Variants in EPHA5 observed in about 807,000 individuals in gnomAD.
EPHA5 encodes EPH receptor A5, also known as ephrin type-A receptor 5.
A neutral mutation model predicts 105.0 loss-of-function variants in EPHA5; 60 were observed. The observed-to-expected ratio is 0.57, with a 90% CI of 0.46 to 0.71. The LOEUF is 0.71. Ranked by LOEUF, EPHA5 falls within the 30% of genes least tolerant of loss-of-function variation. EPHA5 has a pLI of 0.00. For synonymous variants in EPHA5, 513 were observed against 449.1 expected (o/e 1.14, Z -1.80); for missense variants, 1,218 against 1,274.7 (o/e 0.96, Z 0.68).
At chr4:65,496,373 TC>T (rs1338874642) in intron 3 of EPHA5, among the ~76,000 whole-genome samples, 3 of 99,164 alleles carry the variant, frequency 3.0e-5, no homozygotes, top group African/African-American at 1.2e-4. Context: ...ATGCTATCCC[TC>T]CCCCCTCCCC....
chr4:65,551,539 T>G (rs1443054031), intron 3 of EPHA5, among the ~76,000 whole-genome samples: 1 of 152,114 alleles, frequency 6.6e-6, no homozygotes, highest in East Asian at 1.9e-4. Flanking sequence ...TGGAAGTCTA[T>G]TTATAGTGAA....
intron 3 of EPHA5, among the ~76,000 whole-genome samples, chr4:65,595,488 C>T (rs1257104423): frequency 6.6e-6 from 1 of 151,962 alleles, no homozygotes; most frequent in Non-Finnish European, 1.5e-5. Flanking sequence ...AATTAAATTG[C>T]TCAGGAATAT....
intron 3 of EPHA5, among the ~76,000 whole-genome samples, chr4:65,521,119 C>A (rs942088483): frequency 6.6e-6 from 1 of 152,050 alleles, no homozygotes; most frequent in African/African-American, 2.4e-5. Flanking sequence ...AGACTGGGAA[C>A]CAACCCAAAT....
chr4:65,576,338 A>C (rs551029594), intron 3 of EPHA5, among the ~76,000 whole-genome samples: 1 of 152,168 alleles, frequency 6.6e-6, no homozygotes, highest in Non-Finnish European at 1.5e-5. Context: ...CAAGTTATGC[A>C]GTAGGTGGAA....
Position 65,606,540 on chromosome 4 carries a change from A to T in EPHA5, c.247-4236T>A, listed in dbSNP as rs147740185. 2.0e-5 allele frequency among the ~76,000 whole-genome samples: 3 copies of T among 152,302 alleles called. No homozygotes were observed. The East Asian group carries it at 5.8e-4, about 29-fold the overall frequency. ...TAATTCTTAATTAAAAACACTAAGT[A>T]TTTATTAAAAGAGATTGTCTTATTT... On this transcript the variant is annotated intron_variant, in intron 2 of 16. Transcript: ENST00000613740.
chr4:65,602,393 T>A lies in EPHA5; in HGVS notation c.247-89A>T, dbSNP rs1018594922. Reference sequence around the variant, plus strand: ...GCAAAAATTATAAAAGAAAACTAACTGAGATATAGAAATATTCGTATCCTC... The same window carrying A: ...GCAAAAATTATAAAAGAAAACTAACAGAGATATAGAAATATTCGTATCCTC... On this transcript the variant is annotated intron_variant, in intron 2 of 16. Coordinates refer to ENST00000613740, the MANE Select transcript of EPHA5 (RefSeq NM_001281766.3). The A allele has an allele frequency of 6.8e-6, 7 of 1,032,656 alleles. No homozygotes were observed. The Admixed American group carries it at 7.9e-5, about 12-fold the overall frequency. 64.0% of individuals were successfully genotyped at this position (1,032,656 alleles called of 1,614,324 possible). A position where few individuals can be genotyped will look rare whatever the true frequency, so the allele number is the denominator to read the frequency against.
chr4:65,591,626 C>G (rs1742672315), intron 3 of EPHA5, among the ~76,000 whole-genome samples: 1 of 151,472 alleles, frequency 6.6e-6, no homozygotes, highest in Non-Finnish European at 1.5e-5. Context: ...AAAAAAGCTT[C>G]AGAGATTGTG....
intron 3 of EPHA5, among the ~76,000 whole-genome samples, chr4:65,520,141 C>T (rs998406782): frequency 8.5e-5 from 13 of 152,232 alleles, no homozygotes; most frequent in Middle Eastern, 3.4e-3. Flanking sequence ...TACAAGGCTA[C>T]AGTAACCAAA....
At chr4:65,428,546 A>C (rs1470641017) in intron 5 of EPHA5, among the ~76,000 whole-genome samples, 1 of 152,136 alleles carries the variant, frequency 6.6e-6, no homozygotes, top group African/African-American at 2.4e-5. Context: ...ATCTTTTGAT[A>C]TATGACCTCA....
intron 3 of EPHA5, among the ~76,000 whole-genome samples, chr4:65,516,083 T>C (rs994395854): frequency 6.6e-6 from 1 of 152,048 alleles, no homozygotes; most frequent in African/African-American, 2.4e-5. Flanking sequence ...GATATTTCCA[T>C]TATATAACAC....
intron 5 of EPHA5, among the ~76,000 whole-genome samples, chr4:65,447,746 C>T (rs1021709189): frequency 2.0e-5 from 3 of 151,408 alleles, no homozygotes; most frequent in Non-Finnish European, 4.4e-5. Flanking sequence ...AAACTAAAAA[C>T]AATTGGGAAT....
chr4:65,336,994 T>C (rs1020526), intron 14 of EPHA5, among the ~76,000 whole-genome samples: 73,812 of 151,870 alleles, frequency 0.49, 18,313 homozygotes, highest in Non-Finnish European at 0.53. Flanking sequence ...GTCTTAATTA[T>C]ACTTTTTCAC....
rs187653947 is a variant in EPHA5 at position 65,544,863 on chromosome 4, G to C, written c.911-49320C>G. On this transcript the variant is annotated intron_variant, in intron 3 of 16. Transcript: ENST00000613740. ...TCATAGACTGGATAAAGAAAATGTG[G>C]TACATATACACCATGGAATACTATG... is the stretch of plus-strand genomic sequence containing the variant. Among the ~76,000 whole-genome samples, 10 of 151,716 alleles carry C rather than the reference G, an allele frequency of 6.6e-5. No homozygotes were observed. The East Asian group carries it at 1.9e-3, about 29-fold the overall frequency.
rs1560457940 is a variant in EPHA5, at chr4:65,365,659, A to ATCTATC, written c.1987+272_1987+273insGATAGA. ...GGTATTACAAATTCACTATATATAT[A>ATCTATC]TATATATATATATATATATATATAT... On this transcript the variant is annotated intron_variant, in intron 10 of 16. Coordinates refer to ENST00000613740, the MANE Select transcript of EPHA5 (RefSeq NM_001281766.3). Among the ~76,000 whole-genome samples the ATCTATC allele has an allele frequency of 4.9e-5, 4 of 81,096 alleles. 1 individual carries two copies. The highest frequency in any genetic ancestry group is 1.1e-4 in the Non-Finnish European group (4 of 36,098). 53.2% of individuals were successfully genotyped at this position (81,096 alleles called of 152,430 possible).
chr4:65,536,148 A>G (rs1736261748), intron 3 of EPHA5, among the ~76,000 whole-genome samples: 1 of 151,974 alleles, frequency 6.6e-6, no homozygotes, highest in African/African-American at 2.4e-5. Context: ...CTCTTTAGTA[A>G]CATAATATAC....
rs537725348 is a variant in EPHA5 at position 65,326,449 on chromosome 4, T to C, written c.2946-2230A>G. ...ATGTCCAAAATTCTAAAAGAAAATGTCTAATGAAGGGAATGAAACACATAC... is the reference window on the plus strand; with the variant it reads ...ATGTCCAAAATTCTAAAAGAAAATGCCTAATGAAGGGAATGAAACACATAC... On this transcript the variant is annotated intron_variant, in intron 16 of 16. Coordinates refer to ENST00000613740, the MANE Select transcript of EPHA5 (RefSeq NM_001281766.3). Among the ~76,000 whole-genome samples, 6 of 151,530 alleles carry C rather than the reference T, an allele frequency of 4.0e-5. No individual in the cohort carries two copies. The South Asian group carries it at 1.2e-3, about 31-fold the overall frequency.
intron 11 of EPHA5, among the ~76,000 whole-genome samples, chr4:65,360,189 C>T (rs1350481304): frequency 2.0e-5 from 3 of 151,682 alleles, no homozygotes. Flanking sequence ...TTGATTTTCT[C>T]CATTTAACAT....
intron 6 of EPHA5, among the ~76,000 whole-genome samples, chr4:65,415,375 A>G (rs925669683): frequency 6.6e-6 from 1 of 152,084 alleles, no homozygotes; most frequent in East Asian, 1.9e-4. Context: ...ACTACAATAT[A>G]TGTTTTAATT....
intron 5 of EPHA5, among the ~76,000 whole-genome samples, chr4:65,477,429 T>A (rs867251369): frequency 1.6e-4 from 24 of 152,086 alleles, no homozygotes; most frequent in Non-Finnish European, 2.6e-4. Flanking sequence ...TGTTTGTTTT[T>A]TGAGACAGAG....
Sources: allele counts gnomAD v4.1 joint callset (sites outside exome capture counted in the v4.1 genomes callset), GRCh38; gene constraint gnomAD v4.1.1; transcripts MANE v1.5; gene names NCBI Gene and HGNC (gene_info 2026-07-23, HGNC 2026-07-21).